SYNPR: variants seen among roughly 807,000 people sequenced by gnomAD.
SYNPR encodes the protein synaptoporin.
A neutral mutation model predicts 32.9 loss-of-function variants in SYNPR; 23 were observed. The observed-to-expected ratio is 0.70, with a 90% confidence interval of 0.50 to 0.99. SYNPR has a LOEUF of 0.99. SYNPR is among the 50% of genes least tolerant of loss of function. The pLI, the probability that SYNPR is intolerant of heterozygous loss-of-function variation, is 0.00. For synonymous variants in SYNPR, 146 were observed against 135.9 expected (o/e 1.07, Z -0.52); for missense variants, 318 against 349.3 (o/e 0.91, Z 0.71).
intron 3 of SYNPR, among the ~76,000 whole-genome samples, chr3:63,544,130 G>A (rs925784239): frequency 2.0e-5 from 3 of 152,050 alleles, no homozygotes; most frequent in African/African-American, 7.2e-5. Flanking sequence ...ATACCTGGTT[G>A]CTGTGCGGAA....
chr3:63,301,415 C>A (rs1448906126), intron 2 of SYNPR, among the ~76,000 whole-genome samples: 2 of 151,976 alleles, frequency 1.3e-5, no homozygotes, highest in Non-Finnish European at 2.9e-5. Context: ...AACTACAGAA[C>A]AAAATTTATA....
the SYNPR span, among the ~76,000 whole-genome samples, chr3:63,221,700 T>C: frequency 6.6e-6 from 1 of 152,198 alleles, no homozygotes; most frequent in Admixed American, 6.5e-5. Context: ...AGCAGAGTTC[T>C]GTGACTAAAT....
At chr3:63,336,896 C>T (rs1312542715) in intron 2 of SYNPR, among the ~76,000 whole-genome samples, 2 of 151,954 alleles carry the variant, frequency 1.3e-5, no homozygotes, top group Non-Finnish European at 1.5e-5. Flanking sequence ...TATTAATACT[C>T]AACAATTAAA....
At chr3:63,285,678 T>C (rs1443403216) in intron 2 of SYNPR, among the ~76,000 whole-genome samples, 2 of 152,292 alleles carry the variant, frequency 1.3e-5, no homozygotes, top group East Asian at 3.9e-4. Flanking sequence ...GTATTTGGCC[T>C]CACAAGTACA....
chr3:63,285,471 CAA>C (rs1560179187), intron 2 of SYNPR, among the ~76,000 whole-genome samples: 2 of 152,160 alleles, frequency 1.3e-5, no homozygotes, highest in African/African-American at 4.8e-5. Context: ...TCGTGAGCAG[CAA>C]TCTACGATTG....
chr3:63,550,005 G>A (rs1247988865), intron 3 of SYNPR: 1 of 152,046 alleles, frequency 6.6e-6, no homozygotes, highest in Non-Finnish European at 1.5e-5. Context: ...ATTGCTCGCC[G>A]ACTAGTTCCT....
At chr3:63,448,860 T>A (rs1700327756) in intron 2 of SYNPR, among the ~76,000 whole-genome samples, 1 of 152,206 alleles carries the variant, frequency 6.6e-6, no homozygotes, top group African/African-American at 2.4e-5. Context: ...AAAGCATAAT[T>A]GAACTGTTCT....
chr3:63,378,756 C>CA (rs2087927528), intron 2 of SYNPR, among the ~76,000 whole-genome samples: 1 of 151,750 alleles, frequency 6.6e-6, no homozygotes, highest in Non-Finnish European at 1.5e-5. Context: ...TAATATATGC[C>CA]ACCTCTCCTT....
chr3:63,278,323 G>A lies in SYNPR; in HGVS notation c.-211G>A, dbSNP rs1338736782. On this transcript the variant is annotated 5_prime_UTR_variant, in exon 1 of 6. Transcript: ENST00000478300. ...TTCCCTGCCCACCCCTCGCTGACTC[G>A]CTTCGCTTCCCCGACGCGCTGGGTT... 1.0e-5 allele frequency: 6 copies of A among 601,068 alleles called. No individual in the cohort carries two copies. Among genetic ancestry groups the A allele is most frequent in the Non-Finnish European group, 1.5e-5 (5 of 343,178 alleles). 37.2% of individuals were successfully genotyped at this position (601,068 alleles called of 1,614,324 possible).
chr3:63,449,221 G>A (rs1380850159), intron 2 of SYNPR, among the ~76,000 whole-genome samples: 5 of 152,106 alleles, frequency 3.3e-5, no homozygotes, highest in Non-Finnish European at 5.9e-5. Context: ...GATCTAACTT[G>A]TATTATCTGG....
At chr3:63,259,081 A>C (rs1439843743) in intron 2 of SYNPR, among the ~76,000 whole-genome samples, 1 of 152,192 alleles carries the variant, frequency 6.6e-6, no homozygotes, top group Admixed American at 6.5e-5. Flanking sequence ...GCAATAATTA[A>C]TATCTTACCA....
intron 3 of SYNPR, among the ~76,000 whole-genome samples, chr3:63,508,440 T>C (rs894683647): frequency 6.6e-6 from 1 of 152,106 alleles, no homozygotes; most frequent in Admixed American, 6.6e-5. Flanking sequence ...AGATGTCAGG[T>C]GACTCAGGTG....
chr3:63,345,788 G>T (rs1385188232), intron 2 of SYNPR, among the ~76,000 whole-genome samples: 1 of 151,528 alleles, frequency 6.6e-6, no homozygotes, highest in Non-Finnish European at 1.5e-5. Flanking sequence ...ATTTTGAAAT[G>T]TTGCTTTCGT....
intron 2 of SYNPR, among the ~76,000 whole-genome samples, chr3:63,334,559 G>GTGTGT (rs1191395038): frequency 1.3e-4 from 18 of 140,964 alleles, no homozygotes; most frequent in African/African-American, 1.9e-4. Flanking sequence ...TGTGTGTGTG[G>GTGTGT]ACACACGTGG....
intron 4 of SYNPR, among the ~76,000 whole-genome samples, chr3:63,596,298 C>G (rs1225841627): frequency 7.3e-6 from 1 of 136,094 alleles, no homozygotes; most frequent in Non-Finnish European, 1.6e-5. Flanking sequence ...CTTCCCCCTC[C>G]TCCCCCTTCT....
At chr3:63,292,102 G>C (rs141510534) in intron 2 of SYNPR, among the ~76,000 whole-genome samples, 108 of 152,230 alleles carry the variant, frequency 7.1e-4, no homozygotes, top group African/African-American at 2.1e-3. Flanking sequence ...AACAGAGGAA[G>C]GATATGGTAA....
intron 2 of SYNPR, among the ~76,000 whole-genome samples, chr3:63,473,624 G>A (rs1451796225): frequency 2.6e-5 from 4 of 152,180 alleles, no homozygotes; most frequent in South Asian, 2.1e-4. Context: ...AATGGGAGCC[G>A]AGGTGGGTGT....
chr3:63,434,195 G>T (rs1021701064), intron 2 of SYNPR, among the ~76,000 whole-genome samples: 1 of 152,156 alleles, frequency 6.6e-6, no homozygotes, highest in Non-Finnish European at 1.5e-5. Context: ...GGTTCTGGAG[G>T]CATAGTGGTT....
chr3:63,505,675 T>C (rs1463247626), intron 3 of SYNPR, among the ~76,000 whole-genome samples: 1 of 152,234 alleles, frequency 6.6e-6, no homozygotes, highest in African/African-American at 2.4e-5. Flanking sequence ...ACAGCATGCT[T>C]ACATTGCAAT....
Sources: gnomAD v4.1 joint callset for allele counts (sites outside exome capture counted in the v4.1 genomes callset) on GRCh38, gnomAD v4.1.1 for gene constraint, MANE v1.5 for transcripts, NCBI Gene and HGNC (gene_info 2026-07-23, HGNC 2026-07-21) for gene names.